CORO2B: variants seen among roughly 807,000 people sequenced by gnomAD.
The protein encoded by CORO2B is coronin 2B, also known as coronin-2B.
In CORO2B, 26 loss-of-function variants were observed where a neutral mutation model predicts 58.8. That is an observed-to-expected ratio of 0.44 (90% CI 0.32 to 0.61). The LOEUF is 0.61. Ranked by LOEUF, CORO2B falls within the 20% of genes least tolerant of loss-of-function variation. CORO2B has a pLI of 0.04. For synonymous variants in CORO2B, 242 were observed against 253.8 expected (o/e 0.95, Z 0.44); for missense variants, 460 against 645.1 (o/e 0.71, Z 3.11).
chr15:68,715,123 G>A, intron 7 of CORO2B, 92 bp from the exon 8 acceptor site: 1 of 1,131,462 alleles, frequency 8.8e-7, no homozygotes, highest in Non-Finnish European at 1.3e-6. Flanking sequence ...TGAGGCACAG[G>A]GGAGAGCTGT....
At chr15:68,699,523 T>A (rs1287984083) in intron 3 of CORO2B, among the ~76,000 whole-genome samples, 1 of 152,034 alleles carries the variant, frequency 6.6e-6, no homozygotes, top group African/African-American at 2.4e-5. Context: ...GGGGCTGGCC[T>A]GGGCTGCTGA....
chr15:68,686,899 C>CA (rs1205410989), intron 2 of CORO2B, among the ~76,000 whole-genome samples: 3,178 of 115,450 alleles, frequency 0.028, 78 homozygotes, highest in African/African-American at 0.077. Context: ...AACTCCGTCT[C>CA]AAAAAAAAAA....
At chr15:68,557,600 G>A in the CORO2B span, among the ~76,000 whole-genome samples, 5 of 152,232 alleles carry the variant, frequency 3.3e-5, no homozygotes, top group African/African-American at 1.2e-4. Context: ...ACAAAGGGAA[G>A]GGCAGCATCC....
chr15:68,541,461 G>A, the CORO2B span, among the ~76,000 whole-genome samples: 2 of 152,266 alleles, frequency 1.3e-5, no homozygotes, highest in South Asian at 4.2e-4. Flanking sequence ...AGTTTGGATG[G>A]AGGAAAAGGT....
intron 3 of CORO2B, among the ~76,000 whole-genome samples, chr15:68,707,713 T>TGTC (rs1217038291): frequency 1.3e-5 from 2 of 152,160 alleles, no homozygotes; most frequent in Non-Finnish European, 2.9e-5. Flanking sequence ...GATAGGTGGG[T>TGTC]GTCTAGCCCA....
upstream of CORO2B, among the ~76,000 whole-genome samples, chr15:68,578,086 C>T (rs1899323647): frequency 6.6e-6 from 1 of 152,168 alleles, no homozygotes; most frequent in Admixed American, 6.5e-5. This position sits in a 1 kb window ranked among gnomAD's most constrained non-coding sequence, Gnocchi z 4.2. Flanking sequence ...AGGGAGACTC[C>T]TTTCTCAAGA....
At chr15:68,655,243 G>A (rs2140281640) in intron 2 of CORO2B, among the ~76,000 whole-genome samples, 1 of 152,348 alleles carries the variant, frequency 6.6e-6, no homozygotes, top group Middle Eastern at 3.4e-3. Context: ...ATCCAGGTTG[G>A]TGGGAGAAAA....
At chr15:68,668,736 C>T (rs1038543581) in intron 2 of CORO2B, among the ~76,000 whole-genome samples, 1 of 152,180 alleles carries the variant, frequency 6.6e-6, no homozygotes, top group Admixed American at 6.5e-5. Flanking sequence ...TCAAGGTTAG[C>T]TCTCACTTGA....
At chr15:68,554,434 CCA>C in the CORO2B span, among the ~76,000 whole-genome samples, 1 of 152,158 alleles carries the variant, frequency 6.6e-6, no homozygotes, top group Non-Finnish European at 1.5e-5. Flanking sequence ...CCTCCAGCTG[CCA>C]GAGTCTAAGC....
At chr15:68,626,572 G>C (rs73442227) in intron 1 of CORO2B, among the ~76,000 whole-genome samples, 1 of 152,056 alleles carries the variant, frequency 6.6e-6, no homozygotes. Flanking sequence ...ACACAGATGC[G>C]GGACTCCCAG....
At chr15:68,582,289 T>C (rs1899445825) in intron 1 of CORO2B, among the ~76,000 whole-genome samples, 8 of 152,330 alleles carry the variant, frequency 5.3e-5, no homozygotes, top group Admixed American at 6.5e-5. Context: ...ATTTAGTAAG[T>C]TACCTTACTT....
rs554871531 is a variant in CORO2B, at chr15:68,693,794, A to C, written c.217-1346A>C. On this transcript the variant is annotated intron_variant, in intron 2 of 11. Coordinates refer to ENST00000261861, the MANE Select transcript of CORO2B (RefSeq NM_006091.5). ...TGTCCTCAGTTGCTCACAGACAAAC[A>C]GAAACAAACTGCAAATCAGATCTGG... Among the ~76,000 whole-genome samples the C allele has an allele frequency of 2.0e-5, 3 of 151,656 alleles. No homozygotes were observed. In the South Asian group the frequency reaches 6.3e-4, roughly 32 times the overall value.
intron 8 of CORO2B, 31 bp downstream of exon 8, chr15:68,715,342 G>A (rs1466663610): frequency 1.3e-6 from 2 of 1,508,370 alleles, no homozygotes; most frequent in Non-Finnish European, 1.8e-6. Flanking sequence ...CACAGCTGGT[G>A]TGCTCATGGC....
At chr15:68,605,855 T>G (rs1249963704) in intron 1 of CORO2B, among the ~76,000 whole-genome samples, 4 of 151,750 alleles carry the variant, frequency 2.6e-5, no homozygotes, top group Non-Finnish European at 2.9e-5. Flanking sequence ...CTCCTGAGTA[T>G]CTGTGATTAC....
chr15:68,706,436 T>G (rs1403195762), intron 3 of CORO2B, among the ~76,000 whole-genome samples: 1 of 152,218 alleles, frequency 6.6e-6, no homozygotes, highest in Non-Finnish European at 1.5e-5. Context: ...ATGGGCAAGT[T>G]CAACACCACA....
chr15:68,523,273 C>T, the CORO2B span, among the ~76,000 whole-genome samples: 3 of 152,080 alleles, frequency 2.0e-5, no homozygotes, highest in East Asian at 5.8e-4. Flanking sequence ...TGGCTCACTG[C>T]AGCCTCAACC....
chr15:68,641,765 C>T (rs1901242576), intron 1 of CORO2B, among the ~76,000 whole-genome samples: 1 of 152,156 alleles, frequency 6.6e-6, no homozygotes, highest in African/African-American at 2.4e-5. Flanking sequence ...GGCACTGTCG[C>T]CCAGGTGGTA....
chr15:68,660,895 ATGT>A (rs1218407873), intron 2 of CORO2B, among the ~76,000 whole-genome samples: 1 of 151,816 alleles, frequency 6.6e-6, no homozygotes, highest in African/African-American at 2.4e-5. Flanking sequence ...CCAGATTTTC[ATGT>A]TGTTCTCTCT....
chr15:68,568,814 A>G, the CORO2B span, among the ~76,000 whole-genome samples: 3 of 152,142 alleles, frequency 2.0e-5, no homozygotes, highest in Non-Finnish European at 4.4e-5. Context: ...AGCAACACAC[A>G]CTGGGGCCTG....
Sources: gnomAD v4.1 joint callset for allele counts (sites outside exome capture counted in the v4.1 genomes callset) on GRCh38, gnomAD v4.1.1 for gene constraint, Gnocchi (gnomAD v3.1) non-coding constraint, MANE v1.5 for transcripts, NCBI Gene and HGNC (gene_info 2026-07-23, HGNC 2026-07-21) for gene names.